Variants in NRG1 observed in about 807,000 individuals in gnomAD.
NRG1 encodes the protein pro-neuregulin-1, membrane-bound isoform.
A neutral mutation model predicts 63.8 loss-of-function variants in NRG1; 18 were observed. The observed-to-expected ratio is 0.28, with a 90% confidence interval of 0.19 to 0.42. The LOEUF is 0.42. Ranked by LOEUF, NRG1 falls within the 10% of genes least tolerant of loss-of-function variation. The probability of loss-of-function intolerance (pLI) is 1.00; values close to 1 mark genes in which losing one functional copy is unlikely to be tolerated. For missense variants in NRG1, 762 were observed against 814.7 expected (o/e 0.94, Z 0.79); for synonymous variants, 302 against 301.3 (o/e 1.00, Z -0.02).
At chr8:32,479,449 C>T (rs1824950590) in intron 1 of NRG1, among the ~76,000 whole-genome samples, 3 of 151,924 alleles carry the variant, frequency 2.0e-5, no homozygotes, top group Admixed American at 2.0e-4. Flanking sequence ...TGCACTCTAG[C>T]CTGGGCGACA....
intron 1 of NRG1, among the ~76,000 whole-genome samples, chr8:31,916,802 C>G (rs1459755950): frequency 6.6e-6 from 1 of 151,902 alleles, no homozygotes; most frequent in Non-Finnish European, 1.5e-5. Flanking sequence ...AATGGTTGAA[C>G]TAGTTTACAG....
chr8:32,526,611 G>A (rs10113578), intron 1 of NRG1, among the ~76,000 whole-genome samples: 17,428 of 152,020 alleles, frequency 0.11, 2,466 homozygotes, highest in East Asian at 0.58. Flanking sequence ...TCTAAAACTG[G>A]AGTCCCCTCT....
At chr8:31,739,131 T>C (rs1815002175) in intron 1 of NRG1, among the ~76,000 whole-genome samples, 1 of 152,098 alleles carries the variant, frequency 6.6e-6, no homozygotes, top group Admixed American at 6.6e-5. Flanking sequence ...TAGTAGTATT[T>C]CTGGCTCTAC....
intron 1 of NRG1, among the ~76,000 whole-genome samples, chr8:32,135,496 G>A (rs941727793): frequency 1.9e-4 from 29 of 152,036 alleles, no homozygotes; most frequent in African/African-American, 6.8e-4. Flanking sequence ...AACTGGCTTA[G>A]CAGGGTGGGC....
At chr8:32,452,939 G>A (rs1202605000) in intron 1 of NRG1, among the ~76,000 whole-genome samples, 2 of 152,108 alleles carry the variant, frequency 1.3e-5, no homozygotes, top group African/African-American at 4.8e-5. Flanking sequence ...AGACAAAGAG[G>A]TCAGTAGGCC....
At position 32,132,143 on chromosome 8, in the gene NRG1, G is replaced by A. The variant is rs948788284; in HGVS notation, c.38-463685G>A. Among the ~76,000 whole-genome samples the A allele has an allele frequency of 2.0e-5, 3 of 152,026 alleles. No individual in the cohort carries two copies. In the South Asian group the frequency reaches 6.2e-4, roughly 31 times the overall value. The stretch of plus-strand genomic sequence containing the variant: ...GAAGCAATAATGATATGGCAAGAGA[G>A]AGGTAAGGGACTACAATGGGAGGCT... On this transcript the variant is annotated intron_variant, in intron 1 of 10. Transcript: ENST00000519301.
chr8:32,262,240 C>T (rs1347949587), intron 1 of NRG1, among the ~76,000 whole-genome samples: 2 of 152,102 alleles, frequency 1.3e-5, no homozygotes, highest in Admixed American at 1.3e-4. Context: ...CATTTTAAAT[C>T]CTCTCTTTGT....
chr8:32,337,710 G>T (rs1803497583), intron 1 of NRG1, among the ~76,000 whole-genome samples: 1 of 87,444 alleles, frequency 1.1e-5, no homozygotes, highest in African/African-American at 3.6e-5. Context: ...AGGGAAGCCT[G>T]AGCTATTAAG....
chr8:31,825,775 C>T (rs185102624), intron 1 of NRG1, among the ~76,000 whole-genome samples: 12 of 152,286 alleles, frequency 7.9e-5, no homozygotes, highest in Admixed American at 2.0e-4. Flanking sequence ...TTTAGAGGCA[C>T]CCTCTGTGAC....
At chr8:32,558,218 C>A (rs1835570984) in intron 1 of NRG1, among the ~76,000 whole-genome samples, 1 of 152,182 alleles carries the variant, frequency 6.6e-6, no homozygotes, top group Admixed American at 6.5e-5. Context: ...ACTGAAAGAG[C>A]CTCTACATTG....
At chr8:31,756,640 A>C (rs914262402) in intron 1 of NRG1, among the ~76,000 whole-genome samples, 1 of 152,150 alleles carries the variant, frequency 6.6e-6, no homozygotes, top group African/African-American at 2.4e-5. Context: ...TGGTCCTCTC[A>C]GGATTTACTT....
chr8:32,062,524 G>A (rs956464305), intron 1 of NRG1, among the ~76,000 whole-genome samples: 2 of 152,042 alleles, frequency 1.3e-5, no homozygotes, highest in African/African-American at 2.4e-5. Flanking sequence ...CATTGCCTGG[G>A]TAAGTGAGGG....
chr8:32,207,766 G>A (rs1024355105), intron 1 of NRG1, among the ~76,000 whole-genome samples: 1 of 152,176 alleles, frequency 6.6e-6, no homozygotes, highest in Non-Finnish European at 1.5e-5. Flanking sequence ...GAACAGCAGG[G>A]AATGGTTTAT....
chr8:31,926,282 G>A lies in NRG1; in HGVS notation c.37+286851G>A, dbSNP rs528177247. 1.2e-4 allele frequency among the ~76,000 whole-genome samples: 19 copies of A among 152,066 alleles called. No individual in the cohort carries two copies. The East Asian group carries it at 3.3e-3, about 27-fold the overall frequency. ...CCCAAACTCCAGTTTTTGTCTTTCA[G>A]TTCCATTAAACTATGGAAAGCTCTG... is the stretch of plus-strand genomic sequence containing the variant. On this transcript the variant is annotated intron_variant, in intron 1 of 10. Transcript: ENST00000519301.
At chr8:32,485,161 C>T (rs2129493823) in intron 1 of NRG1, among the ~76,000 whole-genome samples, 1 of 150,174 alleles carries the variant, frequency 6.7e-6, no homozygotes, top group Middle Eastern at 3.5e-3. Context: ...GTTGCCTAGG[C>T]TGGAGTGTAA....
intron 1 of NRG1, among the ~76,000 whole-genome samples, chr8:31,768,897 CT>C (rs1284986929): frequency 6.6e-6 from 1 of 152,210 alleles, no homozygotes; most frequent in African/African-American, 2.4e-5. Context: ...CTCTGTTCCA[CT>C]TTCTCTGGAC....
chr8:32,205,169 A>G (rs1289693655), intron 1 of NRG1, among the ~76,000 whole-genome samples: 3 of 152,184 alleles, frequency 2.0e-5, no homozygotes, highest in Non-Finnish European at 2.9e-5. Flanking sequence ...GTTAACAAGA[A>G]TGGTATCTCT....
intron 1 of NRG1, among the ~76,000 whole-genome samples, chr8:32,399,371 G>T (rs1812866352): frequency 6.6e-6 from 1 of 152,194 alleles, no homozygotes; most frequent in Non-Finnish European, 1.5e-5. Context: ...CTGTGATTTT[G>T]ATTTTCATCC....
intron 1 of NRG1, among the ~76,000 whole-genome samples, chr8:31,984,159 A>T: frequency 6.6e-6 from 1 of 152,094 alleles, no homozygotes; most frequent in East Asian, 1.9e-4. Flanking sequence ...TTCCAAAGGG[A>T]AAAATTTTTA....
Sources: gnomAD v4.1 joint callset for allele counts (sites outside exome capture counted in the v4.1 genomes callset) on GRCh38, gnomAD v4.1.1 for gene constraint, MANE v1.5 for transcripts, NCBI Gene and HGNC (gene_info 2026-07-23, HGNC 2026-07-21) for gene names.